The following AGO2 variants were observed in gnomAD, a reference collection of about 807,000 sequenced individuals.
The protein encoded by AGO2 is argonaute RISC catalytic component 2.
In AGO2, 5 loss-of-function variants were observed where a neutral mutation model predicts 102.3. The observed-to-expected ratio is 0.05, with a 90% CI of 0.03 to 0.10. The LOEUF (loss-of-function observed/expected upper bound fraction) is 0.10, where lower values mean the gene tolerates loss of function less well. Among genes scored for constraint, AGO2 ranks in the 10% least tolerant of loss-of-function variants. The pLI is 1.00. For synonymous variants in AGO2, 449 were observed against 473.1 expected, an observed-to-expected ratio of 0.95 and a Z score of 0.66; for missense variants, 541 against 1,183.7, an observed-to-expected ratio of 0.46 and a Z score of 7.97.
At chr8:140,608,439 C>T (rs1262357399) in intron 1 of AGO2, among the ~76,000 whole-genome samples, 1 of 152,270 alleles carries the variant, frequency 6.6e-6, no homozygotes, top group Admixed American at 6.5e-5. Flanking sequence ...GAGAGCCCAA[C>T]AGACAGGTCT....
At chr8:140,635,279 C>T (rs1367446469) in intron 1 of AGO2, among the ~76,000 whole-genome samples, 3 of 145,664 alleles carry the variant, frequency 2.1e-5, no homozygotes, top group African/African-American at 7.4e-5. Flanking sequence ...GCGCGTCCAA[C>T]GCGGGGCCGA....
intron 2 of AGO2, among the ~76,000 whole-genome samples, chr8:140,581,706 A>C (rs1253881832): frequency 6.6e-6 from 1 of 152,234 alleles, no homozygotes; most frequent in African/African-American, 2.4e-5. Flanking sequence ...TTAGTAAAGA[A>C]AGCTGCTTAA....
chr8:140,618,691 G>A (rs2074174962), intron 1 of AGO2, among the ~76,000 whole-genome samples: 1 of 151,674 alleles, frequency 6.6e-6, no homozygotes, highest in Admixed American at 6.6e-5. Flanking sequence ...CAGCCAGGGT[G>A]GCGGGGTGCA....
chr8:140,562,781 G>T, intron 3 of AGO2, 147 bp from the exon 4 acceptor site: 1 of 798,454 alleles, frequency 1.3e-6, no homozygotes. Context: ...TGTGGCTATG[G>T]AGCACTTGAA....
intron 3 of AGO2, among the ~76,000 whole-genome samples, chr8:140,568,177 A>G (rs973862402): frequency 1.3e-5 from 2 of 150,646 alleles, no homozygotes; most frequent in Non-Finnish European, 3.0e-5. Flanking sequence ...CCAGCTACTC[A>G]GGAGGCTGAG....
intron 5 of AGO2, among the ~76,000 whole-genome samples, chr8:140,559,827 G>C (rs555233749): frequency 6.6e-6 from 1 of 152,154 alleles, no homozygotes; most frequent in African/African-American, 2.4e-5. Flanking sequence ...TCTGGTTACC[G>C]TCTGGTGTAG....
At position 140,527,650 on chromosome 8, in the gene AGO2, CATAA is replaced by C. The variant is rs2072528275; in HGVS notation, c.*4390_*4393del. The C allele has an allele frequency of 6.6e-6, 1 of 152,422 alleles. No individual in the cohort carries two copies. The highest frequency in any genetic ancestry group is 1.5e-5 in the Non-Finnish European group (1 of 68,034). 9.4% of individuals were successfully genotyped at this position (152,422 alleles called of 1,614,324 possible). A position where few individuals can be genotyped will look rare whatever the true frequency, so the allele number is the denominator to read the frequency against. Reference sequence around the variant, plus strand: ...GGTCACTTTGGGGAAGGGCTTCAAACATAAATGAAATACTCACGTTCTGCAAGTG... The same window carrying C: ...GGTCACTTTGGGGAAGGGCTTCAAACATGAAATACTCACGTTCTGCAAGTG... On this transcript the variant is annotated 3_prime_UTR_variant, in exon 19 of 19. Transcript: ENST00000220592. This position sits in a 1 kb window ranked among gnomAD's most constrained non-coding sequence, Gnocchi z 6.0.
intron 3 of AGO2, among the ~76,000 whole-genome samples, chr8:140,564,808 A>G (rs191578961): frequency 1.1e-4 from 16 of 152,198 alleles, no homozygotes; most frequent in African/African-American, 2.6e-4. Flanking sequence ...CTGTAACAAT[A>G]TCATACACTG....
Position 140,562,579 on chromosome 8 carries a change from G to C in AGO2, c.392C>G (p.Ser131Cys). The change falls in exon 4 of 19, where the codon TCC (serine) becomes TGC (cysteine). Residue 131 changes from serine (S) to cysteine (C), a missense_variant. Transcript: ENST00000220592. ...GEGKDRIFKV[S>C]IKWVSCVSLQ... is the part of the protein sequence containing the mutation. ...GCTCACGCAGGACACCCACTTGATG[G>C]ACACCTTGAAGATGCGATCCTTGCC... 1 of 1,614,098 alleles carries C rather than the reference G, an allele frequency of 6.2e-7. No homozygotes were observed. The highest frequency in any genetic ancestry group is 8.5e-7 in the Non-Finnish European group (1 of 1,180,024).
At chr8:140,533,805 T>TAA (rs796958990) in intron 17 of AGO2, among the ~76,000 whole-genome samples, 11 of 142,674 alleles carry the variant, frequency 7.7e-5, no homozygotes, top group African/African-American at 2.6e-4. Flanking sequence ...AGACTCCGTC[T>TAA]AAAAAAAAAA....
chr8:140,585,360 G>A (rs1253519759), intron 1 of AGO2, 49 bp from the exon 2 acceptor site: 1 of 1,583,970 alleles, frequency 6.3e-7, no homozygotes, highest in Admixed American at 1.7e-5. Context: ...GGCTTGCTCT[G>A]CGGCCCTTCC....
At chr8:140,634,197 T>C (rs1304384565) in intron 1 of AGO2, among the ~76,000 whole-genome samples, 2 of 152,240 alleles carry the variant, frequency 1.3e-5, no homozygotes, top group East Asian at 1.9e-4. Context: ...CTCCGCCTTG[T>C]TGAAGCTTTC....
intron 10 of AGO2, 84 bp downstream of exon 10, chr8:140,555,812 G>A (rs752182056): frequency 5.2e-5 from 79 of 1,510,350 alleles, no homozygotes; most frequent in African/African-American, 3.4e-4. Flanking sequence ...AGTCTACACC[G>A]CGGGCGATAG....
At chr8:140,573,517 G>C (rs2073418350) in intron 2 of AGO2, among the ~76,000 whole-genome samples, 1 of 152,112 alleles carries the variant, frequency 6.6e-6, no homozygotes, top group African/African-American at 2.4e-5. Flanking sequence ...AAGACCTGTG[G>C]CTCCTTTGGG....
In AGO2 at chr8:140,621,597, C is replaced by A. The variant is rs148302145; in HGVS notation, c.22+13888G>T. 1.2e-3 allele frequency among the ~76,000 whole-genome samples: 186 copies of A among 152,250 alleles called. 1 individual carries two copies. In the South Asian group the frequency reaches 0.017, roughly 14 times the overall value. ...TTCGGCCTTGTTCAATGATGTTCAC[C>A]TTTATTACGTTCATTTAGTCATCCA... is the stretch of plus-strand genomic sequence containing the variant. On this transcript the variant is annotated intron_variant, in intron 1 of 18. Coordinates refer to ENST00000220592, the MANE Select transcript of AGO2 (RefSeq NM_012154.5).
rs111653220 is a variant in AGO2 at position 140,535,032 on chromosome 8, C to T, written c.2271+436G>A. Among the ~76,000 whole-genome samples the T allele has an allele frequency of 5.3e-3, 809 of 152,320 alleles. 5 individuals carry two copies. The highest frequency in any genetic ancestry group is 0.018 in the African/African-American group (763 of 41,566). ...AGCCTGGCCCTGGCCAGTGATTGCG[C>T]GAGGGGACGGCAAGGCTGACTGCGC... On this transcript the variant is annotated intron_variant, in intron 17 of 18. Coordinates refer to ENST00000220592, the MANE Select transcript of AGO2 (RefSeq NM_012154.5).
chr8:140,639,219 C>T (rs913222703), upstream of AGO2, among the ~76,000 whole-genome samples: 3 of 152,116 alleles, frequency 2.0e-5, no homozygotes, highest in Non-Finnish European at 4.4e-5. Flanking sequence ...AGGTGGCTCA[C>T]GCCTGTAATC....
intron 1 of AGO2, among the ~76,000 whole-genome samples, chr8:140,596,856 T>A (rs1361109235): frequency 6.6e-6 from 1 of 152,108 alleles, no homozygotes; most frequent in East Asian, 1.9e-4. Context: ...ATGGCTGCTG[T>A]GTCGTCGTGA....
At chr8:140,569,915 C>T (rs2132968847) in intron 3 of AGO2, among the ~76,000 whole-genome samples, 1 of 152,312 alleles carries the variant, frequency 6.6e-6, no homozygotes, top group East Asian at 1.9e-4. Flanking sequence ...CCGCCAGAGT[C>T]CCCACGAGCC....
Sources: allele counts gnomAD v4.1 joint callset (sites outside exome capture counted in the v4.1 genomes callset), GRCh38; gene constraint gnomAD v4.1.1; non-coding constraint Gnocchi (gnomAD v3.1); transcripts MANE v1.5; gene names NCBI Gene and HGNC (gene_info 2026-07-23, HGNC 2026-07-21).